PEX14: variants seen among roughly 807,000 people sequenced by gnomAD.
PEX14 encodes the protein peroxisomal membrane protein PEX14.
A neutral mutation model predicts 49.5 loss-of-function variants in PEX14; 15 were observed. The ratio of observed to expected loss-of-function variants is 0.30; its 90% CI spans 0.20 to 0.47. The LOEUF is 0.47. PEX14 is among the 20% of genes least tolerant of loss of function. The pLI is 1.00. For missense variants in PEX14, 398 were observed against 494.8 expected (o/e 0.80, Z 1.86); for synonymous variants, 210 against 212.7 (o/e 0.99, Z 0.11).
In PEX14 at chr1:10,623,541, T is replaced by G. The variant is rs1040816293; in HGVS notation, c.487+420T>G. On this transcript the variant is annotated intron_variant, in intron 6 of 8. Coordinates refer to ENST00000356607, the MANE Select transcript of PEX14 (RefSeq NM_004565.3). The surrounding 1 kb of genome is among the most constrained non-coding windows in gnomAD (Gnocchi z 4.4). ...CTCCCGGGACCCCAGCCACCTCCCC[T>G]GTTATCGACTCAACAGGGCTCGCGT... is the stretch of plus-strand genomic sequence containing the variant. 6.6e-6 allele frequency among the ~76,000 whole-genome samples: 1 copy of G among 152,148 alleles called. No homozygotes were observed. Among genetic ancestry groups the G allele is most frequent in the Non-Finnish European group, 1.5e-5 (1 of 68,016 alleles).
chr1:10,510,384 C>G (rs1641861132), intron 2 of PEX14, among the ~76,000 whole-genome samples: 1 of 152,164 alleles, frequency 6.6e-6, no homozygotes, highest in African/African-American at 2.4e-5. Context: ...GCATTTTTGT[C>G]TGGTGTGTCC....
At chr1:10,484,112 C>T (rs996408192) in intron 1 of PEX14, among the ~76,000 whole-genome samples, 1 of 150,494 alleles carries the variant, frequency 6.6e-6, no homozygotes, top group Non-Finnish European at 1.5e-5. Context: ...CACTGCAACC[C>T]CTGCCTCCTG....
intron 3 of PEX14, among the ~76,000 whole-genome samples, chr1:10,587,920 T>TTTAAAAA (rs1453146872): frequency 6.2e-5 from 4 of 64,066 alleles, no homozygotes; most frequent in African/African-American, 2.7e-4. Context: ...TTTTTTTTTT[T>TTTAAAAA]AAAAAAAAAA....
chr1:10,568,323 T>TCTCCC (rs1639870118), intron 3 of PEX14, among the ~76,000 whole-genome samples: 2 of 118,716 alleles, frequency 1.7e-5, no homozygotes, highest in African/African-American at 7.6e-5. Context: ...TAGATACTCT[T>TCTCCC]CCCCCCCCCC....
intron 4 of PEX14, among the ~76,000 whole-genome samples, chr1:10,602,878 TC>T (rs570584662): frequency 2.6e-5 from 4 of 152,328 alleles, no homozygotes; most frequent in South Asian, 4.1e-4. Flanking sequence ...TACATCTAGA[TC>T]CCCGGCAGCC....
chr1:10,555,642 AGTGTGTGTGTGTGT>A (rs56824548), intron 3 of PEX14, among the ~76,000 whole-genome samples: 1 of 149,372 alleles, frequency 6.7e-6, no homozygotes, highest in Admixed American at 6.7e-5. Context: ...GCAAGGTGTG[AGTGTGTGTGTGTGT>A]GTGTGTGTGT....
chr1:10,500,923 A>C (rs1408977715), intron 2 of PEX14, among the ~76,000 whole-genome samples: 2 of 152,182 alleles, frequency 1.3e-5, no homozygotes, highest in African/African-American at 4.8e-5. Context: ...CTTTGTGTGC[A>C]CTCATGTATG....
chr1:10,576,956 G>A (rs919190797), intron 3 of PEX14, among the ~76,000 whole-genome samples: 1 of 151,670 alleles, frequency 6.6e-6, no homozygotes, highest in African/African-American at 2.4e-5. Flanking sequence ...TCACCAGGCT[G>A]GTCTTTAACC....
chr1:10,610,408 T>C (rs986706481), intron 4 of PEX14, among the ~76,000 whole-genome samples: 3 of 149,982 alleles, frequency 2.0e-5, no homozygotes, highest in African/African-American at 7.3e-5. Flanking sequence ...CATATATATA[T>C]ACACAGAGAG....
At chr1:10,622,987 A>T in intron 5 of PEX14, 32 bp from the exon 6 acceptor site, 2 of 1,426,244 alleles carry the variant, frequency 1.4e-6, no homozygotes, top group South Asian at 2.3e-5. Context: ...CCGGGTCCGT[A>T]TGCATTCCTC....
chr1:10,488,456 C>CATGTGT, intron 1 of PEX14, among the ~76,000 whole-genome samples: 1 of 152,070 alleles, frequency 6.6e-6, no homozygotes, highest in Non-Finnish European at 1.5e-5. Context: ...CGCACCTGGC[C>CATGTGT]TGAAATTTTT....
intron 3 of PEX14, among the ~76,000 whole-genome samples, chr1:10,598,072 C>G (rs993081931): frequency 1.2e-4 from 18 of 152,174 alleles, no homozygotes; most frequent in African/African-American, 4.3e-4. Flanking sequence ...ATGCTGTGGG[C>G]CTCTAATGGA....
At chr1:10,506,438 C>G (rs1641784409) in intron 2 of PEX14, among the ~76,000 whole-genome samples, 1 of 152,078 alleles carries the variant, frequency 6.6e-6, no homozygotes, top group Non-Finnish European at 1.5e-5. Flanking sequence ...GCCGCCATGC[C>G]CGGCTAATTT....
chr1:10,518,135 G>A (rs764364155), intron 2 of PEX14, among the ~76,000 whole-genome samples: 3 of 151,558 alleles, frequency 2.0e-5, no homozygotes, highest in Admixed American at 1.3e-4. Context: ...GTGCTTTTTC[G>A]CTCTCCTCTC....
chr1:10,512,116 C>T lies in PEX14; in HGVS notation c.84+16795C>T, dbSNP rs1406413995. Among the ~76,000 whole-genome samples, 1 of 152,120 alleles carries T rather than the reference C, an allele frequency of 6.6e-6. No individual in the cohort carries two copies. Among genetic ancestry groups the T allele is most frequent in the African/African-American group, 2.4e-5 (1 of 41,432 alleles). ...CTGGGACTACAGGCGCCTGCCCCCA[C>T]GCTCGGCTAATTTTGGTATTTTTAG... On this transcript the variant is annotated intron_variant, in intron 2 of 8. Coordinates refer to ENST00000356607, the MANE Select transcript of PEX14 (RefSeq NM_004565.3). This position sits in a 1 kb window ranked among gnomAD's most constrained non-coding sequence, Gnocchi z 4.6.
chr1:10,523,671 A>T (rs1253846889), intron 2 of PEX14, among the ~76,000 whole-genome samples: 3 of 152,032 alleles, frequency 2.0e-5, no homozygotes, highest in Admixed American at 6.6e-5. Context: ...CTGCTGGCTT[A>T]TCAGCAAGTT....
intron 2 of PEX14, among the ~76,000 whole-genome samples, chr1:10,518,351 A>G (rs2124449034): frequency 6.6e-6 from 1 of 152,192 alleles, no homozygotes; most frequent in African/African-American, 2.4e-5. Context: ...CTGAACAGCT[A>G]CACACGGCTG....
chr1:10,475,067 C>T (rs1021697114), intron 1 of PEX14, 65 bp downstream of exon 1: 2 of 1,478,180 alleles, frequency 1.4e-6, no homozygotes, highest in Non-Finnish European at 1.9e-6. Flanking sequence ...GCTCAGCATA[C>T]GGCTGGGAGC....
intron 3 of PEX14, among the ~76,000 whole-genome samples, chr1:10,563,207 C>T (rs757405572): frequency 1.3e-5 from 2 of 150,024 alleles, no homozygotes; most frequent in Admixed American, 6.6e-5. Context: ...TGAGCCACGG[C>T]GCCTGGCCGC....
Sources: gnomAD v4.1 joint callset for allele counts (sites outside exome capture counted in the v4.1 genomes callset) on GRCh38, gnomAD v4.1.1 for gene constraint, Gnocchi (gnomAD v3.1) non-coding constraint, MANE v1.5 for transcripts, NCBI Gene and HGNC (gene_info 2026-07-23, HGNC 2026-07-21) for gene names.